Variants in TRHR observed in about 807,000 individuals in gnomAD.
TRHR encodes thyrotropin-releasing hormone receptor.
A neutral mutation model predicts 28.0 loss-of-function variants in TRHR; 14 were observed. That is an observed-to-expected ratio of 0.50 (90% confidence interval 0.33 to 0.78). The LOEUF (loss-of-function observed/expected upper bound fraction) is 0.78. Among genes scored for constraint, TRHR ranks in the 30% least tolerant of loss-of-function variants. The probability of loss-of-function intolerance (pLI) is 0.02; values close to 1 mark genes in which losing one functional copy is unlikely to be tolerated. For synonymous variants in TRHR, 176 were observed against 171.9 expected (o/e 1.02, Z -0.18); for missense variants, 438 against 469.5 (o/e 0.93, Z 0.62).
chr8:109,119,871 A>C lies in TRHR; in HGVS notation c.*416A>C, dbSNP rs1247597727. ...AATTTGACAACATGCAGATTTTTAA[A>C]TGTTTGCATTTAGTATTCATTTTAA... On this transcript the variant is annotated 3_prime_UTR_variant, in exon 3 of 3. Coordinates refer to ENST00000518632, the MANE Select transcript of TRHR (RefSeq NM_003301.7). 6.6e-6 allele frequency among the ~76,000 whole-genome samples: 1 copy of C among 151,876 alleles called. No homozygotes were observed. Among genetic ancestry groups the C allele is most frequent in the Non-Finnish European group, 1.5e-5 (1 of 67,892 alleles).
chr8:109,101,642 C>A (rs1184507900), intron 2 of TRHR, among the ~76,000 whole-genome samples: 1 of 152,132 alleles, frequency 6.6e-6, no homozygotes, highest in Admixed American at 6.6e-5. Context: ...GTGTTGACAA[C>A]AGTAGAGAAG....
intron 2 of TRHR, 79 bp from the exon 3 acceptor site, chr8:109,118,969 G>A (rs1364940177): frequency 6.3e-7 from 1 of 1,583,750 alleles, no homozygotes; most frequent in Non-Finnish European, 8.7e-7. Flanking sequence ...GGGAACTAAA[G>A]GTTTGGGTGA....
At chr8:109,093,853 AT>A (rs1193363921) in intron 2 of TRHR, among the ~76,000 whole-genome samples, 1 of 145,360 alleles carries the variant, frequency 6.9e-6, no homozygotes, top group African/African-American at 2.8e-5. Context: ...CCTCCAACTC[AT>A]TTAAAAAAAA....
intron 2 of TRHR, among the ~76,000 whole-genome samples, chr8:109,116,996 T>C (rs940414881): frequency 3.3e-5 from 5 of 152,010 alleles, no homozygotes; most frequent in Non-Finnish European, 7.4e-5. Context: ...TGAAAGTTGC[T>C]CCCTTCACTG....
intron 2 of TRHR, among the ~76,000 whole-genome samples, chr8:109,092,718 C>T (rs940655293): frequency 6.6e-6 from 1 of 152,142 alleles, no homozygotes; most frequent in African/African-American, 2.4e-5. Flanking sequence ...GGATTACAGG[C>T]TTGAGCCACC....
intron 2 of TRHR, among the ~76,000 whole-genome samples, chr8:109,104,248 G>A (rs1250455045): frequency 1.3e-5 from 2 of 152,130 alleles, no homozygotes; most frequent in Non-Finnish European, 2.9e-5. Context: ...ATGCTAGAGA[G>A]TCAAGTTGCT....
At chr8:109,104,005 G>C (rs941310983) in intron 2 of TRHR, among the ~76,000 whole-genome samples, 1 of 152,124 alleles carries the variant, frequency 6.6e-6, no homozygotes, top group Non-Finnish European at 1.5e-5. Context: ...GGGCTGTGAT[G>C]AAATGAATTA....
chr8:109,090,669 G>A (rs1367661826), intron 2 of TRHR, among the ~76,000 whole-genome samples: 1 of 152,196 alleles, frequency 6.6e-6, no homozygotes, highest in Non-Finnish European at 1.5e-5. Flanking sequence ...AGGGATCAGA[G>A]AAGTCTTTAT....
rs532534038 is a variant in TRHR, at chr8:109,116,441, T to G, written c.790-2607T>G. The stretch of plus-strand genomic sequence containing the variant: ...TGAATCCTTCTGCTCCTGGACTTTT[T>G]TTGGTTGGTAGTCTATTAATTATTG... On this transcript the variant is annotated intron_variant, in intron 2 of 2. Transcript: ENST00000518632. Among the ~76,000 whole-genome samples, 6 of 152,238 alleles carry G rather than the reference T, an allele frequency of 3.9e-5. No individual in the cohort carries two copies. The East Asian group carries it at 1.2e-3, about 29-fold the overall frequency.
chr8:109,118,837 C>T (rs1441164637), intron 2 of TRHR, among the ~76,000 whole-genome samples: 1 of 151,860 alleles, frequency 6.6e-6, no homozygotes, highest in Non-Finnish European at 1.5e-5. Flanking sequence ...ACTGCTTTGG[C>T]TTTTCCTACT....
At chr8:109,097,306 A>G (rs1811608658) in intron 2 of TRHR, among the ~76,000 whole-genome samples, 1 of 152,170 alleles carries the variant, frequency 6.6e-6, no homozygotes, top group South Asian at 2.1e-4. Context: ...TTCCTCAAAC[A>G]GTTTTCACAC....
At position 109,119,141 on chromosome 8, in the gene TRHR, C is replaced by A; in HGVS notation, c.883C>A (p.Pro295Thr). ...GGTTGTCAACTCATTTCTCTCCAGT[C>A]CTTTCCAAGAAAATTGGTTTTTGCT... ...LVVVNSFLSS[P>T]FQENWFLLFC... Residue 295 changes from proline (P) to threonine (T), a missense_variant, in exon 3 of 3, where the codon CCT becomes ACT. By Grantham distance (38) the Pro-to-Thr change is conservative. Transcript: ENST00000518632. 6.2e-7 allele frequency: 1 copy of A among 1,612,858 alleles called. No individual in the cohort carries two copies. The highest frequency in any genetic ancestry group is 2.2e-5 in the East Asian group (1 of 44,836).
intron 2 of TRHR, 62 bp from the exon 3 acceptor site, chr8:109,118,986 A>G (rs939010012): frequency 1.2e-6 from 2 of 1,604,484 alleles, no homozygotes; most frequent in Non-Finnish European, 1.7e-6. Context: ...GTGAGAGAAG[A>G]AAGGGGGTTT....
intron 1 of TRHR, among the ~76,000 whole-genome samples, 192 bp from the exon 2 acceptor site, chr8:109,087,233 A>G (rs1353761937): frequency 1.3e-5 from 2 of 151,496 alleles, no homozygotes; most frequent in African/African-American, 4.8e-5. Flanking sequence ...GTCCCTCTTA[A>G]TGTGAGCTGG....
intron 2 of TRHR, among the ~76,000 whole-genome samples, chr8:109,095,646 G>T (rs1034736342): frequency 2.0e-5 from 3 of 152,104 alleles, no homozygotes; most frequent in Non-Finnish European, 4.4e-5. Context: ...CTTCAGAAAA[G>T]ACATCTCCTG....
intron 2 of TRHR, among the ~76,000 whole-genome samples, chr8:109,116,911 A>C (rs183029280): frequency 6.9e-4 from 105 of 152,120 alleles, no homozygotes; most frequent in Non-Finnish European, 1.1e-3. Context: ...ATGATGTCAA[A>C]GTATGCCTGG....
At chr8:109,112,024 G>A (rs1480485723) in intron 2 of TRHR, among the ~76,000 whole-genome samples, 2 of 152,086 alleles carry the variant, frequency 1.3e-5, no homozygotes, top group Admixed American at 1.3e-4. Context: ...GATTGCCCTG[G>A]AATTTAGATA....
chr8:109,097,488 C>T (rs1342374002), intron 2 of TRHR, among the ~76,000 whole-genome samples: 1 of 152,056 alleles, frequency 6.6e-6, no homozygotes, highest in African/African-American at 2.4e-5. Context: ...CTAAAAAGAA[C>T]CAATAATACT....
intron 2 of TRHR, among the ~76,000 whole-genome samples, chr8:109,102,686 G>T (rs545950801): frequency 6.6e-6 from 1 of 152,194 alleles, no homozygotes; most frequent in East Asian, 1.9e-4. Flanking sequence ...TAATGGCAAG[G>T]AGAAAAGGCA....
Sources: gnomAD v4.1 joint callset for allele counts (sites outside exome capture counted in the v4.1 genomes callset) on GRCh38, gnomAD v4.1.1 for gene constraint, MANE v1.5 for transcripts, NCBI Gene and HGNC (gene_info 2026-07-23, HGNC 2026-07-21) for gene names.